Variants in IQGAP3 observed in about 807,000 individuals in gnomAD.
IQGAP3 encodes ras GTPase-activating-like protein IQGAP3.
IQGAP3 carries 165 observed loss-of-function variants against 208.2 expected under a neutral mutation model. The observed-to-expected ratio is 0.79, with a 90% confidence interval of 0.70 to 0.90. The LOEUF (loss-of-function observed/expected upper bound fraction) is 0.90, where lower values mean the gene tolerates loss of function less well. IQGAP3 is among the 40% of genes least tolerant of loss of function. The pLI is 0.00. For missense variants in IQGAP3, 1,811 were observed against 2,043.1 expected (o/e 0.89, Z 2.19); for synonymous variants, 703 against 803.6 (o/e 0.87, Z 2.12).
In IQGAP3 at chr1:156,548,077, A is replaced by T; in HGVS notation, c.2300T>A (p.Ile767Asn). The T allele has an allele frequency of 6.2e-7, 1 of 1,612,946 alleles. No homozygotes were observed. The highest frequency in any genetic ancestry group is 1.1e-5 in the South Asian group (1 of 90,810). Residue 767 changes from isoleucine (I) to asparagine (N), a missense_variant, in exon 19 of 38, where the codon ATC becomes AAC. By Grantham distance (149) the Ile-to-Asn change is moderately radical. Transcript: ENST00000361170. Reference sequence around the variant, plus strand: ...GAGAAAGCCAGAGCCTGCCACCTGGATCTTGATGACTGCTGGGAGCCAGGT... The same window carrying T: ...GAGAAAGCCAGAGCCTGCCACCTGGTTCTTGATGACTGCTGGGAGCCAGGT... ...LRTWLPAVIKIQAHWRGYRQR... is the reference protein window; with the variant it reads ...LRTWLPAVIKNQAHWRGYRQR...
Position 156,550,276 on chromosome 1 carries a change from T to C in IQGAP3, c.1810A>G (p.Asn604Asp). Reference sequence around the variant, plus strand: ...GTCCATTTACTTCTCTGAGCTGTATTAGTGTCCTGGTTGGCTCTGACCACT... The same window carrying C: ...GTCCATTTACTTCTCTGAGCTGTATCAGTGTCCTGGTTGGCTCTGACCACT... Reference protein sequence around the residue: ...QGVVRANQDTNTAQRMALGVA... With the variant: ...QGVVRANQDTDTAQRMALGVA... The change falls in exon 16 of 38, where the codon AAT becomes GAT. Residue 604 changes from asparagine to aspartate, a missense_variant. Asn to Asp is a conservative substitution (Grantham distance 23). Transcript: ENST00000361170. The C allele has an allele frequency of 1.2e-6, 2 of 1,612,466 alleles. No individual in the cohort carries two copies. Among genetic ancestry groups the C allele is most frequent in the East Asian group, 2.2e-5 (1 of 44,884 alleles).
intron 31 of IQGAP3, 95 bp from the exon 32 acceptor site, chr1:156,533,201 T>G (rs1674507390): frequency 3.4e-6 from 5 of 1,468,092 alleles, no homozygotes; most frequent in Non-Finnish European, 4.7e-6. Context: ...GGGGTCACAT[T>G]AAATCAGCTG....
chr1:156,569,602 T>G (rs1296280873), intron 1 of IQGAP3, 139 bp from the exon 2 acceptor site: 6 of 397,010 alleles, frequency 1.5e-5, no homozygotes, highest in Admixed American at 4.7e-5. Flanking sequence ...CACTGCAAGC[T>G]CCGCCTCCCG....
intron 7 of IQGAP3, 43 bp from the exon 8 acceptor site, chr1:156,563,355 T>G (rs1676251596): frequency 6.5e-7 from 1 of 1,545,612 alleles, no homozygotes; most frequent in African/African-American, 1.4e-5. Flanking sequence ...CCAGAGTGAA[T>G]CCCAGATTGG....
intron 25 of IQGAP3, 91 bp from the exon 26 acceptor site, chr1:156,539,124 C>T: frequency 8.8e-7 from 1 of 1,140,552 alleles, no homozygotes; most frequent in South Asian, 1.3e-5. Context: ...CTCTCAAAGC[C>T]TGCCCTGGTG....
At chr1:156,559,593 A>G (rs1383757794) in intron 11 of IQGAP3, among the ~76,000 whole-genome samples, 1 of 152,250 alleles carries the variant, frequency 6.6e-6, no homozygotes, top group Non-Finnish European at 1.5e-5. Context: ...GGGAGAGAGC[A>G]GAAGACTTCA....
intron 36 of IQGAP3, 112 bp downstream of exon 36, chr1:156,528,397 C>T (rs1674211790): frequency 1.3e-6 from 1 of 753,708 alleles, no homozygotes; most frequent in Admixed American, 2.5e-5. Flanking sequence ...CTAGCAGCTC[C>T]TTCAAGATCG....
At chr1:156,559,997 T>C (rs1411377712) in intron 11 of IQGAP3, among the ~76,000 whole-genome samples, 1 of 152,196 alleles carries the variant, frequency 6.6e-6, no homozygotes, top group African/African-American at 2.4e-5. Flanking sequence ...CGGGGGCTAC[T>C]GAAAGCTAGT....
At chr1:156,550,415 A>G in intron 15 of IQGAP3, 64 bp from the exon 16 acceptor site, 1 of 1,279,754 alleles carries the variant, frequency 7.8e-7, no homozygotes. Flanking sequence ...TTCCCAGGCC[A>G]AGATGCCCAA....
intron 22 of IQGAP3, 43 bp downstream of exon 22, chr1:156,543,938 C>G: frequency 6.4e-7 from 1 of 1,566,004 alleles, no homozygotes; most frequent in Non-Finnish European, 8.8e-7. Context: ...CTGTGGGGTC[C>G]TCTCCCTCCC....
Position 156,531,176 on chromosome 1 carries a change from G to C in IQGAP3, c.4175C>G (p.Ser1392Trp), listed in dbSNP as rs752215135. The C allele has an allele frequency of 1.2e-6, 2 of 1,613,332 alleles. No individual in the cohort carries two copies. The highest frequency in any genetic ancestry group is 2.7e-5 in the African/African-American group (2 of 74,906). ...GDTLKEILSL[S>W]ASREQEAAHK... ...GCTACTCACTTGCTCTCTGGAAGCC[G>C]AGAGGGACAGGATCTCCTTGAGGGT... The change falls in exon 33 of 38, where the codon TCG becomes TGG. Residue 1392 changes from serine (S) to tryptophan (W), a missense_variant. Transcript: ENST00000361170.
intron 8 of IQGAP3, 39 bp downstream of exon 8, chr1:156,563,095 T>C (rs1197722400): frequency 6.6e-7 from 1 of 1,518,232 alleles, no homozygotes; most frequent in Non-Finnish European, 8.9e-7. Flanking sequence ...TTCCAGCCAC[T>C]CAACTTTTCG....
chr1:156,528,025 T>A lies in IQGAP3; in HGVS notation c.4709A>T (p.Asp1570Val). The A allele has an allele frequency of 6.2e-7, 1 of 1,614,054 alleles. No homozygotes were observed. Residue 1570 changes from aspartate to valine, a missense_variant, in exon 37 of 38, where the codon GAT becomes GTT. Coordinates refer to ENST00000361170, the MANE Select transcript of IQGAP3 (RefSeq NM_178229.5). Reference protein sequence around the residue: ...RNVIFDITPGDEAGKFEVNAK... With the variant: ...RNVIFDITPGVEAGKFEVNAK... ...ATTTACTTCAAACTTTCCTGCCTCATCTCCCGGCGTGATGTCAAAGATGAC... is the reference window on the plus strand; with the variant it reads ...ATTTACTTCAAACTTTCCTGCCTCAACTCCCGGCGTGATGTCAAAGATGAC...
In IQGAP3 at chr1:156,526,214, A is replaced by G. The variant is rs1674048741; in HGVS notation, c.*272T>C. 2.3e-6 allele frequency: 1 copy of G among 440,538 alleles called. No homozygotes were observed. The highest frequency in any genetic ancestry group is 2.9e-5 in the South Asian group (1 of 34,748). 27.3% of individuals were successfully genotyped at this position (440,538 alleles called of 1,614,324 possible). ...TAATGGCTTTCCCAGGTCAAGGTCC[A>G]TGTCCTACCATCTGGCAGGAAAGCC... On this transcript the variant is annotated 3_prime_UTR_variant, in exon 38 of 38. Coordinates refer to ENST00000361170, the MANE Select transcript of IQGAP3 (RefSeq NM_178229.5).
rs1674864098 is a variant in IQGAP3, at chr1:156,539,315, C to T, written c.3056+59G>A. On this transcript the variant is annotated intron_variant, in intron 25 of 37. Coordinates refer to ENST00000361170, the MANE Select transcript of IQGAP3 (RefSeq NM_178229.5). The stretch of plus-strand genomic sequence containing the variant: ...AACAAGTTGTCACCTTGTGAAGGAG[C>T]CAACAGGGGGATCTCTTAACCCATT... The T allele has an allele frequency of 2.1e-5, 31 of 1,507,430 alleles. No homozygotes were observed. The South Asian group carries it at 3.3e-4, about 16-fold the overall frequency. 93.4% of individuals were successfully genotyped at this position (1,507,430 alleles called of 1,614,324 possible).
intron 37 of IQGAP3, 46 bp from the exon 38 acceptor site, chr1:156,526,645 T>A: frequency 7.6e-7 from 1 of 1,322,796 alleles, no homozygotes; most frequent in Non-Finnish European, 1.1e-6. Context: ...CTTCTGAATG[T>A]GGTCCAGTCA....
At chr1:156,572,334 A>C (rs59565923) in intron 1 of IQGAP3, among the ~76,000 whole-genome samples, 159 bp downstream of exon 1, 1 of 152,186 alleles carries the variant, frequency 6.6e-6, no homozygotes, top group Non-Finnish European at 1.5e-5. Flanking sequence ...ACTCGGGCCC[A>C]CGGCGCCCGG....
chr1:156,552,511 C>T (rs1675604357), intron 13 of IQGAP3, among the ~76,000 whole-genome samples: 1 of 152,192 alleles, frequency 6.6e-6, no homozygotes, highest in Admixed American at 6.5e-5. Flanking sequence ...CATGTCCCAC[C>T]GTCTCTCCCA....
At chr1:156,543,770 G>T (rs1675098264) in intron 22 of IQGAP3, among the ~76,000 whole-genome samples, 1 of 119,342 alleles carries the variant, frequency 8.4e-6, no homozygotes, top group Non-Finnish European at 1.6e-5. Context: ...AAAAGAGCCT[G>T]GTTAGAAGAA....
Sources: allele counts gnomAD v4.1 joint callset (sites outside exome capture counted in the v4.1 genomes callset), GRCh38; gene constraint gnomAD v4.1.1; transcripts MANE v1.5; gene names NCBI Gene and HGNC (gene_info 2026-07-23, HGNC 2026-07-21).